GALNT13: variants seen among roughly 807,000 people sequenced by gnomAD.
GALNT13 encodes polypeptide N-acetylgalactosaminyltransferase 13, also known as UDP-GalNAc:polypeptide N-acetylgalactosaminyltransferase 13.
Under a neutral mutation model 64.2 loss-of-function variants are expected in GALNT13, and 28 were observed. The ratio of observed to expected loss-of-function variants is 0.44; its 90% confidence interval spans 0.32 to 0.60. GALNT13 has a LOEUF of 0.60. Among genes scored for constraint, GALNT13 ranks in the 20% least tolerant of loss-of-function variants. The probability of loss-of-function intolerance (pLI) is 0.05; values close to 1 mark genes in which losing one functional copy is unlikely to be tolerated. For synonymous variants in GALNT13, 214 were observed against 224.6 expected (o/e 0.95, Z 0.42); for missense variants, 577 against 669.8 (o/e 0.86, Z 1.53).
intron 9 of GALNT13, among the ~76,000 whole-genome samples, chr2:154,326,785 A>C (rs1694898804): frequency 6.6e-6 from 1 of 152,156 alleles, no homozygotes; most frequent in Admixed American, 6.6e-5. Context: ...AGCTAGTAAG[A>C]GGGAAGGACA....
chr2:154,327,448 T>C (rs1421987195), intron 9 of GALNT13, among the ~76,000 whole-genome samples: 1 of 152,112 alleles, frequency 6.6e-6, no homozygotes, highest in Admixed American at 6.6e-5. Flanking sequence ...TCTGCTATGA[T>C]CCAAGTTGGG....
the GALNT13 span, among the ~76,000 whole-genome samples, chr2:153,383,263 A>T: frequency 2.1e-4 from 32 of 152,230 alleles, no homozygotes; most frequent in South Asian, 3.7e-3. Context: ...AGTGCTTAGT[A>T]ACCCAGTAAC....
chr2:153,726,077 C>T, the GALNT13 span, among the ~76,000 whole-genome samples: 13 of 151,936 alleles, frequency 8.6e-5, no homozygotes, highest in Non-Finnish European at 2.9e-5. Flanking sequence ...GTAGAGACTT[C>T]TGAAAAAAAT....
intron 2 of GALNT13, among the ~76,000 whole-genome samples, chr2:153,911,533 T>A (rs190662527): frequency 9.3e-4 from 142 of 152,326 alleles, no homozygotes; most frequent in Non-Finnish European, 1.4e-3. Context: ...TGTGTTTCTG[T>A]AGCGGCTGGT....
At chr2:153,151,654 G>T in the GALNT13 span, among the ~76,000 whole-genome samples, 1 of 151,972 alleles carries the variant, frequency 6.6e-6, no homozygotes, top group African/African-American at 2.4e-5. Flanking sequence ...GCAGCCATAA[G>T]AAATGATGAG....
intron 3 of GALNT13, among the ~76,000 whole-genome samples, chr2:154,071,822 C>T (rs977127473): frequency 3.3e-5 from 5 of 152,026 alleles, no homozygotes; most frequent in Non-Finnish European, 5.9e-5. Flanking sequence ...CATCCTTTTA[C>T]TTGGTGATTT....
the GALNT13 span, among the ~76,000 whole-genome samples, chr2:153,566,356 T>TTTTTTG: frequency 8.5e-5 from 6 of 70,866 alleles, no homozygotes; most frequent in Admixed American, 2.8e-4. Flanking sequence ...ACGTTTTTTT[T>TTTTTTG]TTTTTTTTTT....
chr2:153,946,231 G>A (rs1691731705), intron 3 of GALNT13, among the ~76,000 whole-genome samples: 1 of 152,142 alleles, frequency 6.6e-6, no homozygotes, highest in African/African-American at 2.4e-5. Flanking sequence ...TACAAAAAAT[G>A]TAATAATCTG....
chr2:153,759,943 G>A, the GALNT13 span, among the ~76,000 whole-genome samples: 1 of 151,946 alleles, frequency 6.6e-6, no homozygotes, highest in Admixed American at 6.6e-5. Context: ...TACTTCATGG[G>A]AGACTTTATT....
chr2:153,410,678 T>C, the GALNT13 span, among the ~76,000 whole-genome samples: 5 of 152,100 alleles, frequency 3.3e-5, no homozygotes, highest in Admixed American at 2.6e-4. Context: ...GATGTAGAGA[T>C]ATAATGTAAA....
the GALNT13 span, among the ~76,000 whole-genome samples, chr2:153,440,069 A>G: frequency 1.3e-5 from 2 of 152,084 alleles, no homozygotes; most frequent in Non-Finnish European, 2.9e-5. Context: ...CGTCATCTAC[A>G]TAGGTATTTC....
At chr2:154,250,662 C>T (rs1223916079) in intron 7 of GALNT13, among the ~76,000 whole-genome samples, 1 of 152,004 alleles carries the variant, frequency 6.6e-6, no homozygotes, top group Non-Finnish European at 1.5e-5. Flanking sequence ...ATTAAAAACA[C>T]AAATGTTACT....
the GALNT13 span, among the ~76,000 whole-genome samples, chr2:153,160,154 G>T: frequency 6.6e-6 from 1 of 152,174 alleles, no homozygotes; most frequent in Non-Finnish European, 1.5e-5. Context: ...AGCTGATGAG[G>T]CTGGATATAG....
chr2:154,156,870 A>G (rs1282875144), intron 4 of GALNT13, among the ~76,000 whole-genome samples: 1 of 152,174 alleles, frequency 6.6e-6, no homozygotes, highest in Non-Finnish European at 1.5e-5. Context: ...TTATTATTCC[A>G]TCTCCTCATG....
intron 9 of GALNT13, among the ~76,000 whole-genome samples, chr2:154,333,852 C>T (rs1370355443): frequency 6.6e-6 from 1 of 151,996 alleles, no homozygotes; most frequent in Non-Finnish European, 1.5e-5. Flanking sequence ...AGTGGCAGCT[C>T]GTGCTTCATT....
At chr2:153,253,799 C>T in the GALNT13 span, among the ~76,000 whole-genome samples, 124,375 of 150,600 alleles carry the variant, frequency 0.83, 52,585 homozygotes, top group African/African-American at 0.91. Context: ...TGAATCAGCC[C>T]TGCATCCCAG....
chr2:153,534,518 C>CTTTTTTTTTTT, the GALNT13 span, among the ~76,000 whole-genome samples: 4 of 123,776 alleles, frequency 3.2e-5, no homozygotes, highest in African/African-American at 3.5e-5. Context: ...GCCCCTCTTT[C>CTTTTTTTTTTT]TTTCTTTCTT....
the GALNT13 span, among the ~76,000 whole-genome samples, chr2:153,111,375 A>G: frequency 2.0e-5 from 3 of 152,046 alleles, no homozygotes; most frequent in Non-Finnish European, 4.4e-5. Flanking sequence ...TAATCTCTTG[A>G]TTGGAGATTC....
At chr2:154,409,289 C>G in intron 11 of GALNT13, 6 of 561,190 alleles carry the variant, frequency 1.1e-5, no homozygotes, top group Non-Finnish European at 1.9e-5. Context: ...GCAACACTTT[C>G]AGTGTGCCTA....
Sources: gnomAD v4.1 joint callset for allele counts (sites outside exome capture counted in the v4.1 genomes callset) on GRCh38, gnomAD v4.1.1 for gene constraint, MANE v1.5 for transcripts, NCBI Gene and HGNC (gene_info 2026-07-23, HGNC 2026-07-21) for gene names.